KDM3B: variants seen among roughly 807,000 people sequenced by gnomAD.
The protein encoded by KDM3B is lysine demethylase 3B, also known as lysine-specific demethylase 3B.
Under a neutral mutation model 170.0 loss-of-function variants are expected in KDM3B, and 10 were observed. That is an observed-to-expected ratio of 0.06 (90% CI 0.04 to 0.10). The LOEUF (loss-of-function observed/expected upper bound fraction) is 0.10. KDM3B is among the 10% of genes least tolerant of loss of function. The probability of loss-of-function intolerance (pLI) is 1.00; values close to 1 mark genes in which losing one functional copy is unlikely to be tolerated. For synonymous variants in KDM3B, 831 were observed against 834.8 expected, an observed-to-expected ratio of 1.00 and a Z score of 0.08; for missense variants, 1,394 against 2,195.2, an observed-to-expected ratio of 0.64 and a Z score of 7.29.
Position 138,377,744 on chromosome 5 carries a change from A to G in KDM3B, c.499A>G (p.Ile167Val). Residue 167 changes from isoleucine (I) to valine (V), a missense_variant, in exon 4 of 24, where the codon ATT becomes GTT. Ile to Val is a conservative substitution (Grantham distance 29, BLOSUM62 3). Around this residue, in one of 19 missense-constraint regions of KDM3B, gnomAD observed 166 missense variants for 216.4 expected, o/e 0.77. Coordinates refer to ENST00000314358, the MANE Select transcript of KDM3B (RefSeq NM_016604.4). The stretch of plus-strand genomic sequence containing the variant: ...GATGGGAACAGATAGCCAAAACCAG[A>G]TTCTTTTGGAACATGCTGCACTGAG... ...FQMGTDSQNQ[I>V]LLEHAALRET... is the part of the protein sequence containing the mutation. 6.2e-7 allele frequency: 1 copy of G among 1,613,780 alleles called. No homozygotes were observed. The highest frequency in any genetic ancestry group is 1.3e-5 in the African/African-American group (1 of 75,034).
At chr5:138,411,460 C>T (rs1363416217) in intron 11 of KDM3B, among the ~76,000 whole-genome samples, 2 of 152,080 alleles carry the variant, frequency 1.3e-5, no homozygotes, top group East Asian at 3.8e-4. Flanking sequence ...TATACTGGAA[C>T]AGCTCGTGTC....
At chr5:138,388,372 C>G (rs1274140650) in intron 7 of KDM3B, among the ~76,000 whole-genome samples, 2 of 152,024 alleles carry the variant, frequency 1.3e-5, no homozygotes, top group Non-Finnish European at 2.9e-5. Flanking sequence ...ACAGCTCATG[C>G]CTGTAATCCT....
intron 9 of KDM3B, among the ~76,000 whole-genome samples, chr5:138,393,670 C>T (rs1240419380): frequency 6.6e-6 from 1 of 152,162 alleles, no homozygotes; most frequent in Non-Finnish European, 1.5e-5. Flanking sequence ...CTATTATAAG[C>T]AGAAGGACTG....
chr5:138,389,016 G>T (rs888836233), intron 7 of KDM3B, among the ~76,000 whole-genome samples: 4 of 152,190 alleles, frequency 2.6e-5, no homozygotes, highest in Admixed American at 2.6e-4. Context: ...ATTCATGTGT[G>T]TATTTATTTT....
chr5:138,353,199 G>T (rs1039920320), intron 1 of KDM3B, among the ~76,000 whole-genome samples: 13 of 152,314 alleles, frequency 8.5e-5, no homozygotes, highest in Middle Eastern at 3.4e-3. Context: ...CCCCCGGGGG[G>T]CGGCCAGGGC....
chr5:138,434,246 G>A (rs892017174), intron 23 of KDM3B, among the ~76,000 whole-genome samples: 1 of 151,924 alleles, frequency 6.6e-6, no homozygotes, highest in African/African-American at 2.4e-5. Context: ...AACAGACTCT[G>A]TCTCTTTATT....
chr5:138,396,038 G>A (rs79143608), intron 9 of KDM3B, among the ~76,000 whole-genome samples: 2,589 of 152,258 alleles, frequency 0.017, 79 homozygotes, highest in African/African-American at 0.059. Flanking sequence ...TAGATTGGTA[G>A]GGGAATTGCC....
Position 138,420,961 on chromosome 5 carries a change from C to T in KDM3B, c.3971C>T (p.Ala1324Val). ...PFPPVFSTSS[A>V]GVKSKASLPN... ...CCCCCGGTCTTCTCTACATCCTCAG[C>T]AGTAAGTGTCCTCTGCAACTGTAGC... Residue 1324 changes from alanine to valine, a missense_variant and splice_region_variant, in exon 15 of 24, where the codon GCA becomes GTA. Coordinates refer to ENST00000314358, the MANE Select transcript of KDM3B (RefSeq NM_016604.4). 1.2e-6 allele frequency: 2 copies of T among 1,613,908 alleles called. No individual in the cohort carries two copies. The highest frequency in any genetic ancestry group is 1.7e-6 in the Non-Finnish European group (2 of 1,179,838).
chr5:138,418,438 C>T lies in KDM3B; in HGVS notation c.3436-515C>T, dbSNP rs148769925. On this transcript the variant is annotated intron_variant, in intron 13 of 23. Coordinates refer to ENST00000314358, the MANE Select transcript of KDM3B (RefSeq NM_016604.4). ...TTACATTCCATGGCCTTTCTGGCAA[C>T]ACTGCTACAACACATCGTTGATGAT... 6.1e-3 allele frequency among the ~76,000 whole-genome samples: 932 copies of T among 152,228 alleles called. 5 individuals are homozygous for T. The highest frequency in any genetic ancestry group is 9.1e-3 in the Non-Finnish European group (621 of 68,002).
chr5:138,415,724 A>T (rs1047809495), intron 12 of KDM3B, among the ~76,000 whole-genome samples: 3 of 151,948 alleles, frequency 2.0e-5, no homozygotes, highest in Non-Finnish European at 4.4e-5. Flanking sequence ...TACTGGGAGT[A>T]TAACTGTGAG....
chr5:138,406,863 G>T (rs1027478242), intron 11 of KDM3B, among the ~76,000 whole-genome samples: 2 of 151,594 alleles, frequency 1.3e-5, no homozygotes, highest in Non-Finnish European at 2.9e-5. Context: ...GAGACCAGCA[G>T]GGGAACATAG....
chr5:138,435,399 A>G (rs1157326082), intron 23 of KDM3B, among the ~76,000 whole-genome samples: 1 of 152,248 alleles, frequency 6.6e-6, no homozygotes, highest in Non-Finnish European at 1.5e-5. Flanking sequence ...TAGTAAGCAC[A>G]TAAATGATGG....
At chr5:138,379,297 A>G (rs1322874845) in intron 4 of KDM3B, among the ~76,000 whole-genome samples, 1 of 152,106 alleles carries the variant, frequency 6.6e-6, no homozygotes, top group Non-Finnish European at 1.5e-5. Context: ...TTCCTATAAT[A>G]CTTGCAGAAC....
At chr5:138,360,084 A>G (rs987272187) in intron 1 of KDM3B, among the ~76,000 whole-genome samples, 13 of 152,158 alleles carry the variant, frequency 8.5e-5, no homozygotes, top group Non-Finnish European at 1.6e-4. Flanking sequence ...TTTCTAAATA[A>G]TGTAATAATT....
At chr5:138,387,947 GGCGT>G (rs1263914783) in intron 7 of KDM3B, among the ~76,000 whole-genome samples, 1 of 152,018 alleles carries the variant, frequency 6.6e-6, no homozygotes, top group Non-Finnish European at 1.5e-5. Flanking sequence ...CGGGCGTGGC[GGCGT>G]GCACCTGTAG....
At chr5:138,367,079 A>G (rs890258381) in intron 1 of KDM3B, among the ~76,000 whole-genome samples, 3 of 152,142 alleles carry the variant, frequency 2.0e-5, no homozygotes, top group African/African-American at 4.8e-5. Flanking sequence ...CCCAGTTTGT[A>G]TACTACTACC....
chr5:138,430,401 C>T lies in KDM3B; in HGVS notation c.5046C>T (p.Phe1682=), dbSNP rs899152386. 1.9e-6 allele frequency: 3 copies of T among 1,614,028 alleles called. No individual in the cohort carries two copies. Among genetic ancestry groups the T allele is most frequent in the Non-Finnish European group, 1.7e-6 (2 of 1,179,922 alleles). The change falls in exon 22 of 24, where the codon TTC becomes TTT. Residue 1682 remains phenylalanine, a synonymous_variant. Coordinates refer to ENST00000314358, the MANE Select transcript of KDM3B (RefSeq NM_016604.4). ...TGCAGTTCCTAGGTGATGCTGTTTT[C>T]ATACCTGCTGGAGCCCCACACCAGG... ...AIVQFLGDAV[F]IPAGAPHQVH...
chr5:138,393,385 C>T lies in KDM3B; in HGVS notation c.2831+13C>T, dbSNP rs1294437609. The T allele has an allele frequency of 1.9e-6, 3 of 1,606,428 alleles. No individual in the cohort carries two copies. The East Asian group carries it at 6.7e-5, about 36-fold the overall frequency. On this transcript the variant is annotated intron_variant, in intron 9 of 23. Transcript: ENST00000314358. ...TTCACTTCCGGAGGTACCCAAACTCCTGTTTTCCTCCTTTGCTAGTTTTCA... is the reference window on the plus strand; with the variant it reads ...TTCACTTCCGGAGGTACCCAAACTCTTGTTTTCCTCCTTTGCTAGTTTTCA...
At chr5:138,365,171 C>T (rs949833218) in intron 1 of KDM3B, among the ~76,000 whole-genome samples, 1 of 152,082 alleles carries the variant, frequency 6.6e-6, no homozygotes, top group Non-Finnish European at 1.5e-5. Context: ...TCTTTGATTT[C>T]CTTTACCATC....
Sources: allele counts gnomAD v4.1 joint callset (sites outside exome capture counted in the v4.1 genomes callset), GRCh38; gene constraint gnomAD v4.1.1; regional missense constraint gnomAD v4.1.1; transcripts MANE v1.5; gene names NCBI Gene and HGNC (gene_info 2026-07-23, HGNC 2026-07-21).